TMIGD3: variants seen among roughly 807,000 people sequenced by gnomAD.
The protein encoded by TMIGD3 is transmembrane and immunoglobulin domain containing 3.
In TMIGD3, 21 loss-of-function variants were observed where a neutral mutation model predicts 28.1. The observed-to-expected ratio is 0.75, with a 90% confidence interval of 0.53 to 1.08. The LOEUF is 1.08. TMIGD3 is among the 50% of genes least tolerant of loss of function. The probability of loss-of-function intolerance (pLI) is 0.00; values close to 1 mark genes in which losing one functional copy is unlikely to be tolerated. For missense variants in TMIGD3, 416 were observed against 435.6 expected (o/e 0.96, Z 0.40); for synonymous variants, 151 against 162.1 (o/e 0.93, Z 0.52).
intron 1 of TMIGD3, among the ~76,000 whole-genome samples, chr1:111,561,895 A>G (rs942135508): frequency 6.7e-6 from 1 of 148,732 alleles, no homozygotes; most frequent in African/African-American, 2.5e-5. Flanking sequence ...CTTTTTCAAC[A>G]CTCCTCCCCA....
chr1:111,553,124 A>G (rs1217822623), intron 1 of TMIGD3, among the ~76,000 whole-genome samples: 2 of 152,174 alleles, frequency 1.3e-5, no homozygotes, highest in African/African-American at 4.8e-5. Context: ...GTTTCTTCCC[A>G]TCTTGTAAGC....
At chr1:111,507,035 GTGTGTATATATATATA>G (rs1439936238), upstream of TMIGD3, among the ~76,000 whole-genome samples, 573 of 53,762 alleles carry the variant, frequency 0.011, 5 homozygotes, top group African/African-American at 0.03. Context: ...GTGTGTGTGT[GTGTGTATATATATATA>G]TATATATATG....
intron 1 of TMIGD3, among the ~76,000 whole-genome samples, chr1:111,502,173 T>TG (rs1185741189): frequency 4.5e-4 from 36 of 80,638 alleles, no homozygotes; most frequent in African/African-American, 8.2e-4. Context: ...TTTATTATAA[T>TG]AAATATATAG....
chr1:111,507,936 T>C (rs1016664033), upstream of TMIGD3, among the ~76,000 whole-genome samples: 4 of 152,190 alleles, frequency 2.6e-5, no homozygotes, highest in Non-Finnish European at 5.9e-5. Context: ...CAGGCTGGGC[T>C]TTCCCGCGCC....
At chr1:111,522,253 T>C (rs991270807) in intron 1 of TMIGD3, among the ~76,000 whole-genome samples, 5 of 152,344 alleles carry the variant, frequency 3.3e-5, no homozygotes, top group African/African-American at 1.2e-4. Context: ...CTTTTGAATG[T>C]TCACATACAT....
intron 1 of TMIGD3, among the ~76,000 whole-genome samples, chr1:111,531,892 T>C (rs1325593184): frequency 2.0e-5 from 3 of 152,068 alleles, no homozygotes; most frequent in Admixed American, 2.0e-4. Flanking sequence ...AACATAGTTA[T>C]GTTACTTTTA....
chr1:111,508,860 G>A (rs1655599492), intron 1 of TMIGD3, among the ~76,000 whole-genome samples: 1 of 152,204 alleles, frequency 6.6e-6, no homozygotes, highest in Non-Finnish European at 1.5e-5. Context: ...ACTTTGGGAG[G>A]CCGAGGCGGG....
rs1655322974 is a variant in TMIGD3, at chr1:111,502,991, A to T, written c.350+14T>A. ...AGCTGCCTCAATTGCTGCCCACCCC[A>T]CGCCGCAGGCTACCTGACGGTAAGC... On this transcript the variant is annotated intron_variant, in intron 1 of 5. Coordinates refer to ENST00000369716, the MANE Select transcript of TMIGD3 (RefSeq NM_020683.7). The T allele has an allele frequency of 6.2e-7, 1 of 1,610,372 alleles. No individual in the cohort carries two copies. The highest frequency in any genetic ancestry group is 1.3e-5 in the African/African-American group (1 of 74,804).
At chr1:111,509,606 GC>G (rs1238486206) in intron 1 of TMIGD3, among the ~76,000 whole-genome samples, 1 of 152,194 alleles carries the variant, frequency 6.6e-6, no homozygotes, top group Admixed American at 6.5e-5. Flanking sequence ...CTTTTAACCT[GC>G]TACCTACCAA....
At position 111,531,110 on chromosome 1, in the gene TMIGD3, T is replaced by G. The variant is rs545908426; in HGVS notation, c.107+32736A>C. ...CTAGGCAACATGGCAAAACTTCGTC[T>G]CTACAAAAAATGCAAAAATTAGCTA... On this transcript the variant is annotated intron_variant, in intron 1 of 5. Transcript: ENST00000369717. Among the ~76,000 whole-genome samples, 3 of 152,262 alleles carry G rather than the reference T, an allele frequency of 2.0e-5. No individual in the cohort carries two copies. The South Asian group carries it at 6.2e-4, about 32-fold the overall frequency.
intron 1 of TMIGD3, among the ~76,000 whole-genome samples, chr1:111,563,128 G>A (rs764980763): frequency 6.6e-6 from 1 of 152,100 alleles, no homozygotes; most frequent in African/African-American, 2.4e-5. Context: ...CCAATACTGA[G>A]GCTGGGCACA....
intron 1 of TMIGD3, among the ~76,000 whole-genome samples, chr1:111,553,293 T>A (rs1252623335): frequency 6.6e-6 from 1 of 152,228 alleles, no homozygotes; most frequent in East Asian, 1.9e-4. Context: ...AGGCTTGGGA[T>A]TCCTCAGCTC....
intron 1 of TMIGD3, among the ~76,000 whole-genome samples, chr1:111,494,342 C>A (rs1654795606): frequency 6.6e-6 from 1 of 152,208 alleles, no homozygotes; most frequent in African/African-American, 2.4e-5. Flanking sequence ...GCTCCTTCAG[C>A]TGATAAACAA....
intron 1 of TMIGD3, among the ~76,000 whole-genome samples, chr1:111,550,572 T>C (rs1232099524): frequency 1.3e-5 from 2 of 152,242 alleles, no homozygotes; most frequent in African/African-American, 4.8e-5. Flanking sequence ...CTAATGTCTC[T>C]TGCAATTTCT....
chr1:111,540,719 T>G (rs1046687122), intron 1 of TMIGD3, among the ~76,000 whole-genome samples: 5 of 152,154 alleles, frequency 3.3e-5, no homozygotes, highest in Non-Finnish European at 7.4e-5. Flanking sequence ...AGGTTCAACT[T>G]CTGGTGGTTT....
intron 1 of TMIGD3, among the ~76,000 whole-genome samples, chr1:111,520,454 A>G (rs10857894): frequency 0.56 from 85,779 of 152,132 alleles, 24,731 homozygotes; most frequent in East Asian, 0.78. Flanking sequence ...TCAGTCTCCC[A>G]TGCAGGAAAC....
intron 1 of TMIGD3, among the ~76,000 whole-genome samples, chr1:111,552,910 T>G (rs1657327538): frequency 6.6e-6 from 1 of 152,260 alleles, no homozygotes; most frequent in African/African-American, 2.4e-5. Context: ...TGTTAGGCAC[T>G]AAATGCATCC....
chr1:111,542,085 CT>C (rs35807618), intron 1 of TMIGD3: 73,484 of 166,724 alleles, frequency 0.44, 15,086 homozygotes, highest in East Asian at 0.66. Flanking sequence ...TGCAAAGAAG[CT>C]TTTTTTTTTT....
chr1:111,518,965 A>G (rs9793327), intron 1 of TMIGD3, among the ~76,000 whole-genome samples: 134,704 of 152,180 alleles, frequency 0.89, 60,646 homozygotes, highest in East Asian at 0.99. Flanking sequence ...GTGAGACGGA[A>G]TCTCACTCTG....
Sources: gnomAD v4.1 joint callset for allele counts (sites outside exome capture counted in the v4.1 genomes callset) on GRCh38, gnomAD v4.1.1 for gene constraint, MANE v1.5 for transcripts, NCBI Gene and HGNC (gene_info 2026-07-23, HGNC 2026-07-21) for gene names.